The following BMF variants were observed in gnomAD, a reference collection of about 807,000 sequenced individuals.
BMF encodes the protein bcl-2-modifying factor.
BMF carries 10 observed loss-of-function variants against 22.0 expected under a neutral mutation model. The ratio of observed to expected loss-of-function variants is 0.45; its 90% confidence interval spans 0.28 to 0.77. The LOEUF (loss-of-function observed/expected upper bound fraction) is 0.77. Among genes scored for constraint, BMF ranks in the 30% least tolerant of loss-of-function variants. The probability of loss-of-function intolerance (pLI) is 0.13; values close to 1 mark genes in which losing one functional copy is unlikely to be tolerated. For synonymous variants in BMF, 87 were observed against 88.1 expected, an observed-to-expected ratio of 0.99 and a Z score of 0.07; for missense variants, 206 against 226.8, an observed-to-expected ratio of 0.91 and a Z score of 0.59.
At chr15:40,107,100 C>A (rs2036603220) in intron 2 of BMF, among the ~76,000 whole-genome samples, 1 of 152,184 alleles carries the variant, frequency 6.6e-6, no homozygotes, top group Non-Finnish European at 1.5e-5. Flanking sequence ...TCTTGAAAGT[C>A]TGAGCTTGGA....
rs1458145495 is a variant in BMF, at chr15:40,091,686, A to G, written c.*101T>C. On this transcript the variant is annotated 3_prime_UTR_variant, in exon 5 of 5. Coordinates refer to ENST00000354670, the MANE Select transcript of BMF (RefSeq NM_001003940.2). The stretch of plus-strand genomic sequence containing the variant: ...AAAAAAATTAAAACACAAAATAACA[A>G]CAAAAAAACAATTTCACAAGACACA... 7.9e-6 allele frequency: 7 copies of G among 881,718 alleles called. No homozygotes were observed. Among genetic ancestry groups the G allele is most frequent in the Non-Finnish European group, 1.1e-5 (6 of 570,358 alleles). 54.6% of individuals were successfully genotyped at this position (881,718 alleles called of 1,614,324 possible).
Position 40,106,100 on chromosome 15 carries a change from G to A in BMF, c.-5-9C>T, listed in dbSNP as rs766225938. On this transcript the variant is annotated splice_polypyrimidine_tract_variant and intron_variant, in intron 2 of 4. Coordinates refer to ENST00000354670, the MANE Select transcript of BMF (RefSeq NM_001003940.2). This position sits in a 1 kb window ranked among gnomAD's most constrained non-coding sequence, Gnocchi z 4.1. ...AGATGGCTCCATCTCTCCTGTGAGG[G>A]GGCAACGCAGGCATCTGGGCTGCTG... 17 of 1,578,948 alleles carry A rather than the reference G, an allele frequency of 1.1e-5. No homozygotes were observed. The highest frequency in any genetic ancestry group is 6.7e-5 in the East Asian group (3 of 44,506).
At chr15:40,103,321 C>T (rs542259528) in intron 4 of BMF, among the ~76,000 whole-genome samples, 9 of 152,362 alleles carry the variant, frequency 5.9e-5, no homozygotes, top group Non-Finnish European at 1.2e-4. Context: ...TGTACCAGCA[C>T]GGATGCAGCC....
At chr15:40,096,404 CA>C (rs1395417000) in intron 4 of BMF, among the ~76,000 whole-genome samples, 1 of 152,150 alleles carries the variant, frequency 6.6e-6, no homozygotes, top group Admixed American at 6.6e-5. Context: ...CCCAAAGTAT[CA>C]GAGGAAGAAG....
At chr15:40,099,702 C>T (rs2036435846) in intron 4 of BMF, among the ~76,000 whole-genome samples, 1 of 150,450 alleles carries the variant, frequency 6.6e-6, no homozygotes, top group Admixed American at 6.6e-5. Flanking sequence ...TCACTTGAAC[C>T]CGGAGGCAGA....
rs185009315 is a variant in BMF, at chr15:40,094,550, C to T, written c.454-2662G>A. 1.3e-3 allele frequency among the ~76,000 whole-genome samples: 203 copies of T among 152,222 alleles called. 2 individuals are homozygous for T. The highest frequency in any genetic ancestry group is 4.5e-3 in the African/African-American group (188 of 41,512). ...CCATCAACCTGCTCATGAGTTCTCT[C>T]TTGGCTTATAAGGAAAATGCAGGTA... On this transcript the variant is annotated intron_variant, in intron 4 of 4. Transcript: ENST00000354670.
rs117982341 is a variant in BMF, at chr15:40,104,046, C to T, written c.453+134G>A. 6.7e-3 allele frequency: 8,067 copies of T among 1,204,424 alleles called. 29 individuals are homozygous for T. The highest frequency in any genetic ancestry group is 0.02 in the Middle Eastern group (85 of 4,328). 74.6% of individuals were successfully genotyped at this position (1,204,424 alleles called of 1,614,324 possible). ...TTAGGCCCCTCCTGCCCATGGGAAC[C>T]GCCATAACCAAAACTCTGGGACAAT... On this transcript the variant is annotated intron_variant, in intron 4 of 4. Transcript: ENST00000354670.
Position 40,090,903 on chromosome 15 carries a change from G to C in BMF, c.*884C>G, listed in dbSNP as rs2036218551. On this transcript the variant is annotated 3_prime_UTR_variant, in exon 5 of 5. Transcript: ENST00000354670. Reference sequence around the variant, plus strand: ...GTGCCGATGTTGGGGGTGGAATGCGGTCTGTCGGTGGGGTCTTTTGAAAGA... The same window carrying C: ...GTGCCGATGTTGGGGGTGGAATGCGCTCTGTCGGTGGGGTCTTTTGAAAGA... The C allele has an allele frequency of 6.6e-6, 1 of 152,268 alleles. No homozygotes were observed. Among genetic ancestry groups the C allele is most frequent in the Non-Finnish European group, 1.5e-5 (1 of 68,078 alleles). The allele number at this position is 152,268 out of a possible 1,614,324, so 9.4% of individuals were successfully genotyped here.
chr15:40,098,577 A>C (rs759394286), intron 4 of BMF, among the ~76,000 whole-genome samples: 7 of 152,210 alleles, frequency 4.6e-5, no homozygotes, highest in Non-Finnish European at 5.9e-5. Context: ...GTCCAGGACC[A>C]GGTCAAGGCA....
At position 40,106,552 on chromosome 15, in the gene BMF, A is replaced by ACACACACACACACACACACAC. The variant is rs2036593288; in HGVS notation, c.-5-462_-5-461insGTGTGTGTGTGTGTGTGTGTG. The stretch of plus-strand genomic sequence containing the variant: ...CACACACACACACACACACACACAC[A>ACACACACACACACACACACAC]TACAGAGTCATTGTCCCAAGGAAAT... On this transcript the variant is annotated intron_variant, in intron 2 of 4. Transcript: ENST00000354670. The surrounding 1 kb of genome is among the most constrained non-coding windows in gnomAD (Gnocchi z 4.1). 7.5e-6 allele frequency: 1 copy of ACACACACACACACACACACAC among 133,284 alleles called. No individual in the cohort carries two copies. The highest frequency in any genetic ancestry group is 1.5e-5 in the Non-Finnish European group (1 of 67,248). 8.3% of individuals were successfully genotyped at this position (133,284 alleles called of 1,614,324 possible).
At chr15:40,093,816 A>C (rs2036299137) in intron 4 of BMF, among the ~76,000 whole-genome samples, 1 of 152,212 alleles carries the variant, frequency 6.6e-6, no homozygotes, top group Non-Finnish European at 1.5e-5. Context: ...TGTGTTCTGC[A>C]TCCTTGCTTC....
chr15:40,099,411 G>C (rs937557580), intron 4 of BMF, among the ~76,000 whole-genome samples: 1 of 152,170 alleles, frequency 6.6e-6, no homozygotes. Context: ...GTACTCAACT[G>C]TCCCTGACTT....
chr15:40,107,518 G>C (rs1418799592), intron 2 of BMF, among the ~76,000 whole-genome samples: 1 of 147,114 alleles, frequency 6.8e-6, no homozygotes, highest in Non-Finnish European at 1.5e-5. Flanking sequence ...GGTGTTCTTT[G>C]GACCGTGTTT....
At chr15:40,104,426 G>A in intron 3 of BMF, 86 bp from the exon 4 acceptor site, 2 of 1,534,174 alleles carry the variant, frequency 1.3e-6, no homozygotes, top group Non-Finnish European at 1.8e-6. Context: ...AAGATTGGAG[G>A]CTGAGGGTAA....
At chr15:40,097,394 T>C (rs547186269) in intron 4 of BMF, among the ~76,000 whole-genome samples, 2 of 152,248 alleles carry the variant, frequency 1.3e-5, no homozygotes, top group Non-Finnish European at 2.9e-5. Context: ...TGGTTCTCAA[T>C]TGTTTTACAA....
intron 3 of BMF, 62 bp from the exon 4 acceptor site, chr15:40,104,402 T>TG (rs2036543005): frequency 1.3e-6 from 2 of 1,584,884 alleles, no homozygotes; most frequent in African/African-American, 2.7e-5. Flanking sequence ...TCCCTACGCC[T>TG]GCCTGACCTG....
Position 40,089,212 on chromosome 15 carries a change from C to A in BMF, c.*2575G>T, listed in dbSNP as rs1485093807. The A allele has an allele frequency of 4.0e-5, 5 of 124,600 alleles. No individual in the cohort carries two copies. Among genetic ancestry groups the A allele is most frequent in the Non-Finnish European group, 9.0e-5 (5 of 55,636 alleles). The allele number at this position is 124,600 out of a possible 1,614,324, so 7.7% of individuals were successfully genotyped here. A position where few individuals can be genotyped will look rare whatever the true frequency, so the allele number is the denominator to read the frequency against. On this transcript the variant is annotated 3_prime_UTR_variant, in exon 5 of 5. Transcript: ENST00000354670. ...GGATGGAGTCTGAGGGGGTGGAGGT[C>A]GGGGGGGAGGGGCAGGTCTCCTGAG... is the stretch of plus-strand genomic sequence containing the variant.
At chr15:40,096,773 A>G (rs1486325871) in intron 4 of BMF, among the ~76,000 whole-genome samples, 1 of 152,238 alleles carries the variant, frequency 6.6e-6, no homozygotes, top group Non-Finnish European at 1.5e-5. Flanking sequence ...GCTTAAAGAC[A>G]TTGTTTCCAG....
Position 40,088,970 on chromosome 15 carries a change from G to A in BMF, c.*2817C>T, listed in dbSNP as rs1274563461. On this transcript the variant is annotated 3_prime_UTR_variant, in exon 5 of 5. Coordinates refer to ENST00000354670, the MANE Select transcript of BMF (RefSeq NM_001003940.2). ...TGCTTTGGGGTTGTGAATTAGAAGG[G>A]CTGTTTTGACCCTGAATATCAGGCT... is the stretch of plus-strand genomic sequence containing the variant. 1.3e-5 allele frequency: 2 copies of A among 152,710 alleles called. No individual in the cohort carries two copies. Among genetic ancestry groups the A allele is most frequent in the African/African-American group, 4.8e-5 (2 of 41,452 alleles). The allele number at this position is 152,710 out of a possible 1,614,324, so 9.5% of individuals were successfully genotyped here.
Sources: allele counts gnomAD v4.1 joint callset (sites outside exome capture counted in the v4.1 genomes callset), GRCh38; gene constraint gnomAD v4.1.1; non-coding constraint Gnocchi (gnomAD v3.1); transcripts MANE v1.5; gene names NCBI Gene and HGNC (gene_info 2026-07-23, HGNC 2026-07-21).